SYTL2: variants seen among roughly 807,000 people sequenced by gnomAD.
The protein encoded by SYTL2 is synaptotagmin-like protein 2.
SYTL2 carries 165 observed loss-of-function variants against 198.7 expected under a neutral mutation model. That is an observed-to-expected ratio of 0.83 (90% CI 0.73 to 0.94). The LOEUF (loss-of-function observed/expected upper bound fraction) is 0.94. SYTL2 is among the 40% of genes least tolerant of loss of function. The pLI is 0.00. For synonymous variants in SYTL2, 966 were observed against 917.7 expected, an observed-to-expected ratio of 1.05 and a Z score of -0.95; for missense variants, 2,835 against 2,582.8, an observed-to-expected ratio of 1.10 and a Z score of -2.12.
intron 6 of SYTL2, among the ~76,000 whole-genome samples, chr11:85,735,716 C>T (rs1352974853): frequency 6.6e-6 from 1 of 151,820 alleles, no homozygotes; most frequent in Non-Finnish European, 1.5e-5. Context: ...GAGATTGCAC[C>T]ACTGCACTCC....
In SYTL2 at chr11:85,772,027, T is replaced by G. The variant is rs138422045; in HGVS notation, c.-389-13913A>C. On this transcript the variant is annotated intron_variant, in intron 1 of 19. Coordinates refer to ENST00000359152, the MANE Select transcript of SYTL2 (RefSeq NM_206927.4). Reference sequence around the variant, plus strand: ...AAGCGATCCTCCCATCTCAGCCTCCTAAACAGCTAGGCCTACAGGCATATG... The same window carrying G: ...AAGCGATCCTCCCATCTCAGCCTCCGAAACAGCTAGGCCTACAGGCATATG... Among the ~76,000 whole-genome samples the G allele has an allele frequency of 2.6e-5, 4 of 152,244 alleles. No individual in the cohort carries two copies. In the East Asian group the frequency reaches 7.7e-4, roughly 29 times the overall value.
chr11:85,822,234 C>A, the SYTL2 span, among the ~76,000 whole-genome samples: 1 of 152,124 alleles, frequency 6.6e-6, no homozygotes, highest in Non-Finnish European at 1.5e-5. Context: ...AGCAGACTAC[C>A]AGATCAATGA....
At chr11:85,818,769 C>A in the SYTL2 span, among the ~76,000 whole-genome samples, 3 of 152,100 alleles carry the variant, frequency 2.0e-5, no homozygotes, top group Admixed American at 6.6e-5. Flanking sequence ...TAGTTCACTG[C>A]AGCCTTGACC....
chr11:85,718,946 A>G, intron 9 of SYTL2, 103 bp from the exon 10 acceptor site: 1 of 1,551,122 alleles, frequency 6.4e-7, no homozygotes, highest in African/African-American at 1.4e-5. Context: ...GCAATTAGTC[A>G]AGATGCAATG....
chr11:85,701,321 T>G (rs1482745717), intron 16 of SYTL2, among the ~76,000 whole-genome samples: 1 of 152,158 alleles, frequency 6.6e-6, no homozygotes, highest in Admixed American at 6.5e-5. Context: ...TGAAGGTAAT[T>G]TTATATAACA....
At chr11:85,714,725 C>A in intron 11 of SYTL2, 1 of 1,177,908 alleles carries the variant, frequency 8.5e-7, no homozygotes, top group Non-Finnish European at 1.1e-6. Flanking sequence ...GAACCAAATA[C>A]AAAACAAAGT....
intron 11 of SYTL2, among the ~76,000 whole-genome samples, chr11:85,715,348 T>C (rs2153437490): frequency 6.6e-6 from 1 of 152,250 alleles, no homozygotes; most frequent in South Asian, 2.1e-4. Flanking sequence ...AATAAGTTAA[T>C]ATTTTCCAAG....
chr11:85,816,672 C>T, the SYTL2 span, among the ~76,000 whole-genome samples: 332 of 152,198 alleles, frequency 2.2e-3, 5 homozygotes, highest in African/African-American at 7.7e-3. Flanking sequence ...CACTTTGGGA[C>T]GCTGAAGCAG....
At chr11:85,715,489 TAAGAA>T (rs1169324468) in intron 11 of SYTL2, among the ~76,000 whole-genome samples, 3 of 152,108 alleles carry the variant, frequency 2.0e-5, no homozygotes, top group Non-Finnish European at 4.4e-5. Flanking sequence ...TAAGAGATAT[TAAGAA>T]AATAGGTAAA....
At chr11:85,757,270 T>C (rs1263963284) in intron 2 of SYTL2, among the ~76,000 whole-genome samples, 1 of 152,150 alleles carries the variant, frequency 6.6e-6, no homozygotes, top group Non-Finnish European at 1.5e-5. Flanking sequence ...TGGTTCATGA[T>C]TCAGTTAAAA....
rs754023877 is a variant in SYTL2 at position 85,720,833 on chromosome 11, A to C, written c.5428+25T>G. The C allele has an allele frequency of 2.6e-6, 4 of 1,535,040 alleles. No individual in the cohort carries two copies. The African/African-American group carries it at 4.1e-5, about 16-fold the overall frequency. Reference sequence around the variant, plus strand: ...ATTTTTAAGCTTAGATGGGGCATGAACAGTGAGGCGAACTTTATTCTCACT... The same window carrying C: ...ATTTTTAAGCTTAGATGGGGCATGACCAGTGAGGCGAACTTTATTCTCACT... On this transcript the variant is annotated intron_variant, in intron 9 of 19. Coordinates refer to ENST00000359152, the MANE Select transcript of SYTL2 (RefSeq NM_206927.4).
chr11:85,696,302 A>T lies in SYTL2; in HGVS notation c.6455T>A (p.Met2152Lys). ...TTCAGGCCTGAACCCATCATACACC[A>T]TAGTGTGGTTGAAGATAGGGTTGGT... is the stretch of plus-strand genomic sequence containing the variant. The part of the protein sequence containing the change: ...KTTNPIFNHT[M>K]VYDGFRPEDL... Residue 2152 changes from methionine to lysine, a missense_variant, in exon 19 of 20, where the codon ATG becomes AAG. Physicochemically the swap from Met to Lys is moderately conservative, Grantham distance 95 (BLOSUM62 -1). Transcript: ENST00000359152. 6.2e-7 allele frequency: 1 copy of T among 1,613,940 alleles called. No individual in the cohort carries two copies. Among genetic ancestry groups the T allele is most frequent in the South Asian group, 1.1e-5 (1 of 91,070 alleles).
the SYTL2 span, among the ~76,000 whole-genome samples, chr11:85,818,035 T>C: frequency 6.6e-6 from 1 of 151,808 alleles, no homozygotes; most frequent in Non-Finnish European, 1.5e-5. Flanking sequence ...CCCAAGTAGT[T>C]AGAATCACAG....
At chr11:85,773,397 C>T (rs1289971286) in intron 1 of SYTL2, among the ~76,000 whole-genome samples, 1 of 152,230 alleles carries the variant, frequency 6.6e-6, no homozygotes, top group African/African-American at 2.4e-5. Context: ...CTTTTGCCTG[C>T]AAGGTCTTTC....
chr11:85,800,432 T>C (rs565020085), intron 1 of SYTL2, among the ~76,000 whole-genome samples: 12 of 143,880 alleles, frequency 8.3e-5, no homozygotes, highest in African/African-American at 2.7e-4. Context: ...TGCACCAACA[T>C]GCCCTGCTAA....
intron 14 of SYTL2, 23 bp downstream of exon 14, chr11:85,709,308 A>C (rs766645841): frequency 6.2e-7 from 1 of 1,611,284 alleles, no homozygotes; most frequent in African/African-American, 1.3e-5. Flanking sequence ...AAGAGAAGGT[A>C]GGTGACTCTA....
chr11:85,820,354 A>T, the SYTL2 span, among the ~76,000 whole-genome samples: 1 of 152,244 alleles, frequency 6.6e-6, no homozygotes, highest in Non-Finnish European at 1.5e-5. Flanking sequence ...GAAGGAGCAC[A>T]TGGGTTTTAC....
chr11:85,825,964 C>G, the SYTL2 span, among the ~76,000 whole-genome samples: 95 of 152,274 alleles, frequency 6.2e-4, no homozygotes, highest in Middle Eastern at 3.4e-3. Flanking sequence ...GCAACTGCCA[C>G]GGAGAGAAAG....
In SYTL2 at chr11:85,725,205, AACTTAACCATACTTCTCC is replaced by A. The variant is rs1455407896; in HGVS notation, c.4135_4152del (p.Gly1379_Ser1384del). 1 of 1,614,156 alleles carries A rather than the reference AACTTAACCATACTTCTCC, an allele frequency of 6.2e-7. No individual in the cohort carries two copies. The highest frequency in any genetic ancestry group is 8.5e-7 in the Non-Finnish European group (1 of 1,180,016). The stretch of plus-strand genomic sequence containing the variant: ...GGACCTACTTCCCTTCCAGCTGGAT[AACTTAACCATACTTCTCC>A]ACACAGCTTCTGTAATGCAGCACTT... On this transcript the variant is annotated inframe_deletion, in exon 8 of 20. Coordinates refer to ENST00000359152, the MANE Select transcript of SYTL2 (RefSeq NM_206927.4).
Sources: gnomAD v4.1 joint callset for allele counts (sites outside exome capture counted in the v4.1 genomes callset) on GRCh38, gnomAD v4.1.1 for gene constraint, MANE v1.5 for transcripts, NCBI Gene and HGNC (gene_info 2026-07-23, HGNC 2026-07-21) for gene names.